The following ZNF438 variants were observed in gnomAD, a reference collection of about 807,000 sequenced individuals.
The protein encoded by ZNF438 is zinc finger protein 438.
Under a neutral mutation model 38.0 loss-of-function variants are expected in ZNF438, and 25 were observed. The ratio of observed to expected loss-of-function variants is 0.66; its 90% confidence interval spans 0.48 to 0.92. The LOEUF is 0.92. Among genes scored for constraint, ZNF438 ranks in the 40% least tolerant of loss-of-function variants. The pLI is 0.00. For missense variants in ZNF438, 1,007 were observed against 999.6 expected (o/e 1.01, Z -0.10); for synonymous variants, 372 against 364.1 (o/e 1.02, Z -0.25).
At chr10:30,844,947 G>A (rs1352641299) in exon 6 of ZNF438, 1 of 1,609,300 alleles carries the variant, frequency 6.2e-7, no homozygotes, top group East Asian at 2.2e-5. Context: ...TTAACCCCAG[G>A]CTGCCTTGGG....
At chr10:30,981,234 G>C (rs2052094945) in intron 1 of ZNF438, among the ~76,000 whole-genome samples, 1 of 152,192 alleles carries the variant, frequency 6.6e-6, no homozygotes, top group Non-Finnish European at 1.5e-5. Context: ...GAATGAGCCA[G>C]AGTAAAGCTA....
At chr10:31,021,471 G>C (rs1016023518) in intron 1 of ZNF438, among the ~76,000 whole-genome samples, 1 of 152,046 alleles carries the variant, frequency 6.6e-6, no homozygotes, top group Non-Finnish European at 1.5e-5. Context: ...TGGTGCAAAC[G>C]TTCATTGCAG....
At chr10:30,972,752 C>G (rs1393602491) in intron 1 of ZNF438, among the ~76,000 whole-genome samples, 2 of 152,102 alleles carry the variant, frequency 1.3e-5, no homozygotes, top group African/African-American at 2.4e-5. Flanking sequence ...GGACACTGGG[C>G]TGAATAGGAA....
Position 31,023,346 on chromosome 10 carries a change from A to T in ZNF438, c.-192+8487T>A, listed in dbSNP as rs73254454. Among the ~76,000 whole-genome samples, 284 of 152,282 alleles carry T rather than the reference A, an allele frequency of 1.9e-3. 1 individual carries two copies. Among genetic ancestry groups the T allele is most frequent in the African/African-American group, 6.4e-3 (266 of 41,538 alleles). ...CCAAAAGAGAAAAAAAATAGACATA[A>T]CCTTCACCATAGACAGCACAGCCTT... On this transcript the variant is annotated intron_variant, in intron 1 of 5. Transcript: ENST00000413025.
intron 1 of ZNF438, among the ~76,000 whole-genome samples, chr10:31,030,675 T>C (rs1371264997): frequency 1.3e-5 from 2 of 152,214 alleles, no homozygotes; most frequent in African/African-American, 2.4e-5. Flanking sequence ...TGAAAAGATA[T>C]CACACTCCTG....
intron 1 of ZNF438, among the ~76,000 whole-genome samples, chr10:30,955,781 T>A (rs2048798455): frequency 6.6e-6 from 1 of 152,208 alleles, no homozygotes; most frequent in Non-Finnish European, 1.5e-5. Context: ...TTTTATTAGG[T>A]AGTAACATAT....
intron 1 of ZNF438, among the ~76,000 whole-genome samples, chr10:30,944,272 A>G (rs543253365): frequency 6.6e-6 from 1 of 152,336 alleles, no homozygotes; most frequent in African/African-American, 2.4e-5. Flanking sequence ...CTACAGGGCA[A>G]GTTAAGTCAA....
chr10:30,928,410 C>T (rs897537013), intron 2 of ZNF438, among the ~76,000 whole-genome samples: 20 of 151,942 alleles, frequency 1.3e-4, no homozygotes, highest in African/African-American at 3.4e-4. Flanking sequence ...TCTTCACTGA[C>T]GAAAGGGAAG....
At chr10:30,963,363 G>T (rs2049725458) in intron 1 of ZNF438, among the ~76,000 whole-genome samples, 1 of 128,638 alleles carries the variant, frequency 7.8e-6, no homozygotes, top group South Asian at 2.5e-4. Flanking sequence ...CTGCACTCCA[G>T]CCTGGGCGAC....
At chr10:30,846,634 G>A (rs2132627181) in intron 5 of ZNF438, among the ~76,000 whole-genome samples, 1 of 152,322 alleles carries the variant, frequency 6.6e-6, no homozygotes, top group East Asian at 1.9e-4. Context: ...AGCTTACCAG[G>A]CACAACTGCC....
chr10:30,888,567 C>G (rs1213617545), intron 3 of ZNF438, among the ~76,000 whole-genome samples: 1 of 152,144 alleles, frequency 6.6e-6, no homozygotes, highest in Non-Finnish European at 1.5e-5. Context: ...GTCTGTTGTT[C>G]CCTTGTGTCC....
At chr10:30,854,176 T>C (rs2034197199) in intron 4 of ZNF438, among the ~76,000 whole-genome samples, 1 of 151,670 alleles carries the variant, frequency 6.6e-6, no homozygotes, top group Non-Finnish European at 1.5e-5. Flanking sequence ...AAAAATTAGC[T>C]GGGCGTGGTG....
intron 3 of ZNF438, among the ~76,000 whole-genome samples, chr10:30,890,083 C>CAAA (rs71863439): frequency 2.1e-5 from 2 of 93,388 alleles, no homozygotes; most frequent in African/African-American, 3.7e-5. Flanking sequence ...TTGGCATTTC[C>CAAA]AAAAAAAAAA....
intron 2 of ZNF438, among the ~76,000 whole-genome samples, chr10:30,937,067 G>A (rs997058809): frequency 1.3e-5 from 2 of 152,084 alleles, no homozygotes; most frequent in Non-Finnish European, 2.9e-5. Flanking sequence ...GTGTGTCTGT[G>A]CCACAAAAGA....
chr10:30,887,694 C>T (rs529635959), intron 3 of ZNF438, among the ~76,000 whole-genome samples: 1 of 152,250 alleles, frequency 6.6e-6, no homozygotes, highest in East Asian at 1.9e-4. Flanking sequence ...GGCCTAAACT[C>T]CTCTTTCAAA....
At chr10:30,879,780 T>C (rs932399496) in intron 3 of ZNF438, among the ~76,000 whole-genome samples, 4 of 151,960 alleles carry the variant, frequency 2.6e-5, no homozygotes, top group Non-Finnish European at 5.9e-5. Flanking sequence ...GAGAAGACAG[T>C]AAAATTAAAA....
chr10:30,976,009 A>G (rs2051301814), intron 1 of ZNF438, among the ~76,000 whole-genome samples: 2 of 152,102 alleles, frequency 1.3e-5, no homozygotes, highest in South Asian at 4.1e-4. Context: ...AAGAGATACC[A>G]TCCTATTCTT....
At chr10:30,987,922 A>G (rs2053032472) in intron 1 of ZNF438, among the ~76,000 whole-genome samples, 1 of 152,218 alleles carries the variant, frequency 6.6e-6, no homozygotes. Flanking sequence ...TCTTTTATTC[A>G]AGATTTAATT....
At chr10:30,957,418 T>C (rs1282444743) in intron 1 of ZNF438, among the ~76,000 whole-genome samples, 1 of 152,198 alleles carries the variant, frequency 6.6e-6, no homozygotes, top group African/African-American at 2.4e-5. Context: ...TATTTTTTCT[T>C]TCCTTGTCTG....
Sources: allele counts gnomAD v4.1 joint callset (sites outside exome capture counted in the v4.1 genomes callset), GRCh38; gene constraint gnomAD v4.1.1; transcripts MANE v1.5; gene names NCBI Gene and HGNC (gene_info 2026-07-23, HGNC 2026-07-21).